The following KIAA1958 variants were observed in gnomAD, a reference collection of about 807,000 sequenced individuals.
The protein encoded by KIAA1958 is KIAA1958.
A neutral mutation model predicts 47.2 loss-of-function variants in KIAA1958; 14 were observed. The ratio of observed to expected loss-of-function variants is 0.30; its 90% CI spans 0.20 to 0.46. KIAA1958 has a LOEUF of 0.46. Ranked by LOEUF, KIAA1958 falls within the 20% of genes least tolerant of loss-of-function variation. The pLI is 1.00. For missense variants in KIAA1958, 803 were observed against 909.2 expected (o/e 0.88, Z 1.50); for synonymous variants, 354 against 353.3 (o/e 1.00, Z -0.02).
chr9:112,497,362 C>T (rs1295624025), intron 1 of KIAA1958, among the ~76,000 whole-genome samples: 1 of 151,874 alleles, frequency 6.6e-6, no homozygotes, highest in Non-Finnish European at 1.5e-5. Flanking sequence ...GAAATGTGGA[C>T]ACAAAAAGAG....
chr9:112,539,434 G>C (rs906423709), intron 1 of KIAA1958, among the ~76,000 whole-genome samples: 5 of 152,162 alleles, frequency 3.3e-5, no homozygotes, highest in Non-Finnish European at 5.9e-5. Context: ...AGTTATAAAA[G>C]ACTACATATT....
intron 1 of KIAA1958, among the ~76,000 whole-genome samples, chr9:112,492,100 C>A (rs559568628): frequency 6.6e-6 from 1 of 152,332 alleles, no homozygotes; most frequent in East Asian, 1.9e-4. Flanking sequence ...GCTAGGACTA[C>A]TTCCTCTTCT....
chr9:112,612,992 G>C (rs1047395151), intron 2 of KIAA1958, among the ~76,000 whole-genome samples: 2 of 152,180 alleles, frequency 1.3e-5, no homozygotes, highest in Non-Finnish European at 2.9e-5. Flanking sequence ...ATACATAGTG[G>C]TAAGAAGCAG....
At chr9:112,524,546 G>GCTAC (rs1834608138) in intron 1 of KIAA1958, among the ~76,000 whole-genome samples, 1 of 152,188 alleles carries the variant, frequency 6.6e-6, no homozygotes, top group Non-Finnish European at 1.5e-5. Flanking sequence ...ACATTGTTGT[G>GCTAC]CTACCATAGG....
rs145279485 is a variant in KIAA1958 at position 112,643,303 on chromosome 9, G to T, written c.1172-2347G>T. The stretch of plus-strand genomic sequence containing the variant: ...CAGCCCAGTGCCTGGCACAGAGAGG[G>T]TACCTTGGTAAATATTGGATGAGTG... On this transcript the variant is annotated intron_variant, in intron 2 of 3. Transcript: ENST00000337530. Among the ~76,000 whole-genome samples the T allele has an allele frequency of 9.9e-4, 151 of 152,264 alleles. 1 individual carries two copies. The highest frequency in any genetic ancestry group is 3.4e-3 in the African/African-American group (142 of 41,538).
chr9:112,509,825 TAAG>T (rs535118818), intron 1 of KIAA1958, among the ~76,000 whole-genome samples: 1 of 152,110 alleles, frequency 6.6e-6, no homozygotes. Flanking sequence ...ATTGGGCAAC[TAAG>T]AAGAATAGGA....
chr9:112,581,933 G>A (rs903894621), intron 2 of KIAA1958: 3 of 236,270 alleles, frequency 1.3e-5, no homozygotes, highest in African/African-American at 4.6e-5. Flanking sequence ...CCTGGGGGAT[G>A]CATTCAGCCC....
intron 2 of KIAA1958, among the ~76,000 whole-genome samples, chr9:112,575,690 A>G (rs1375577049): frequency 6.6e-6 from 1 of 152,168 alleles, no homozygotes; most frequent in Non-Finnish European, 1.5e-5. Context: ...GACTGAGCCA[A>G]CTTGACGTTG....
intron 2 of KIAA1958, among the ~76,000 whole-genome samples, chr9:112,592,924 A>G (rs1835948539): frequency 6.6e-6 from 1 of 152,226 alleles, no homozygotes; most frequent in Non-Finnish European, 1.5e-5. Context: ...CTGTTGTGCT[A>G]AAACTGTCAA....
In KIAA1958 at chr9:112,659,482, A is replaced by T. The variant is rs1010751660; in HGVS notation, c.1564A>T (p.Met522Leu). 4.3e-6 allele frequency: 7 copies of T among 1,613,726 alleles called. No individual in the cohort carries two copies. In the African/African-American group the frequency reaches 9.3e-5, roughly 22 times the overall value. ...GCTGTGGGTGCTGAGTAAGGCAGGC[A>T]TGTCGGGCGCGCGTTCTCGCAACAT... Reference protein sequence around the residue: ...EKLWVLSKAGMSGARSRNIVY... With the variant: ...EKLWVLSKAGLSGARSRNIVY... Residue 522 changes from methionine (M) to leucine (L), a missense_variant, in exon 4 of 4, where the codon ATG (methionine) becomes TTG (leucine). Around this residue, in one of 2 missense-constraint regions of KIAA1958, gnomAD observed 761 missense variants for 829.3 expected, o/e 0.92. Coordinates refer to ENST00000337530, the MANE Select transcript of KIAA1958 (RefSeq NM_133465.4).
At chr9:112,571,892 GTC>G (rs1835544179) in intron 1 of KIAA1958, among the ~76,000 whole-genome samples, 1 of 111,092 alleles carries the variant, frequency 9.0e-6, no homozygotes, top group Admixed American at 9.2e-5. Context: ...ACCAATCTAT[GTC>G]TTTTTTTTTT....
At chr9:112,576,090 G>A (rs904786617) in intron 2 of KIAA1958, among the ~76,000 whole-genome samples, 20 of 152,134 alleles carry the variant, frequency 1.3e-4, no homozygotes, top group African/African-American at 4.1e-4. Context: ...CAAAAACGTC[G>A]TGTATTTTGG....
At chr9:112,565,429 C>T (rs549427844) in intron 1 of KIAA1958, among the ~76,000 whole-genome samples, 1 of 152,250 alleles carries the variant, frequency 6.6e-6, no homozygotes, top group East Asian at 1.9e-4. Flanking sequence ...AATCAAGTGT[C>T]ACTTGATAAC....
chr9:112,644,842 A>T (rs1294225391), intron 2 of KIAA1958, among the ~76,000 whole-genome samples: 2 of 152,218 alleles, frequency 1.3e-5, no homozygotes, highest in Admixed American at 1.3e-4. Context: ...TAAAAAAAAA[A>T]TGCTAACACA....
intron 1 of KIAA1958, among the ~76,000 whole-genome samples, chr9:112,536,365 G>C (rs1379858364): frequency 2.0e-5 from 3 of 152,176 alleles, no homozygotes; most frequent in African/African-American, 7.2e-5. Context: ...TTAGCCTATA[G>C]AATACTCAGC....
rs188044380 is a variant in KIAA1958 at position 112,540,737 on chromosome 9, C to T, written c.-24-33320C>T. ...TTCCTTTTTGTTTTTTTTTTTGAGACGGGGTGTCATTCTGTCACCCAGGCT... is the reference window on the plus strand; with the variant it reads ...TTCCTTTTTGTTTTTTTTTTTGAGATGGGGTGTCATTCTGTCACCCAGGCT... On this transcript the variant is annotated intron_variant, in intron 1 of 3. Transcript: ENST00000337530. Among the ~76,000 whole-genome samples, 60 of 148,690 alleles carry T rather than the reference C, an allele frequency of 4.0e-4. No homozygotes were observed. The East Asian group carries it at 7.8e-3, about 19-fold the overall frequency.
intron 2 of KIAA1958, among the ~76,000 whole-genome samples, chr9:112,590,398 C>G (rs1835901524): frequency 6.8e-6 from 1 of 147,354 alleles, no homozygotes; most frequent in African/African-American, 2.5e-5. Flanking sequence ...GTCGCCCAGT[C>G]TGGAGTGCAA....
chr9:112,578,254 A>G (rs996047756), intron 2 of KIAA1958, among the ~76,000 whole-genome samples: 2 of 152,126 alleles, frequency 1.3e-5, no homozygotes, highest in African/African-American at 4.8e-5. Flanking sequence ...TTGCATGTTT[A>G]TTTATAGTAG....
At chr9:112,511,265 A>G (rs893236906) in intron 1 of KIAA1958, among the ~76,000 whole-genome samples, 1 of 152,218 alleles carries the variant, frequency 6.6e-6, no homozygotes, top group African/African-American at 2.4e-5. Flanking sequence ...CATCCCAGAC[A>G]GACATACTGA....
Sources: allele counts gnomAD v4.1 joint callset (sites outside exome capture counted in the v4.1 genomes callset), GRCh38; gene constraint gnomAD v4.1.1; regional missense constraint gnomAD v4.1.1; transcripts MANE v1.5; gene names NCBI Gene and HGNC (gene_info 2026-07-23, HGNC 2026-07-21).